The following IMMP2L variants were observed in gnomAD, a reference collection of about 807,000 sequenced individuals.
IMMP2L encodes the protein inner mitochondrial membrane peptidase subunit 2.
A neutral mutation model predicts 19.3 loss-of-function variants in IMMP2L; 18 were observed. The observed-to-expected ratio is 0.93, with a 90% CI of 0.64 to 1.38. The LOEUF (loss-of-function observed/expected upper bound fraction) is 1.38, where lower values mean the gene tolerates loss of function less well. Among genes scored for constraint, IMMP2L ranks in the 40% most tolerant of loss-of-function variants. IMMP2L has a pLI of 0.00. For synonymous variants in IMMP2L, 76 were observed against 73.0 expected (o/e 1.04, Z -0.21); for missense variants, 233 against 218.2 (o/e 1.07, Z -0.43).
chr7:110,688,771 G>A (rs1467624846), intron 5 of IMMP2L, among the ~76,000 whole-genome samples: 2 of 152,036 alleles, frequency 1.3e-5, no homozygotes. Flanking sequence ...TTACAAAACT[G>A]TGAATAGTGA....
intron 3 of IMMP2L, among the ~76,000 whole-genome samples, chr7:111,367,757 C>G (rs1486284749): frequency 6.6e-6 from 1 of 151,792 alleles, no homozygotes; most frequent in African/African-American, 2.4e-5. Flanking sequence ...CATTCTAGAC[C>G]TCATACTTGT....
intron 1 of IMMP2L, among the ~76,000 whole-genome samples, chr7:111,555,544 C>A (rs764500559): frequency 1.3e-5 from 2 of 151,976 alleles, no homozygotes; most frequent in South Asian, 2.1e-4. Context: ...TCACAGCATA[C>A]AGACATGTTG....
intron 1 of IMMP2L, among the ~76,000 whole-genome samples, chr7:111,539,228 A>G (rs1360939019): frequency 7.9e-6 from 1 of 126,276 alleles, no homozygotes; most frequent in African/African-American, 3.3e-5. Flanking sequence ...GAAAGAAAGA[A>G]AGAAAGAAAG....
chr7:111,516,864 A>T (rs896333338), intron 2 of IMMP2L, among the ~76,000 whole-genome samples: 1 of 152,130 alleles, frequency 6.6e-6, no homozygotes, highest in African/African-American at 2.4e-5. Context: ...CGTCAGCCCC[A>T]GCAGACCAAG....
intron 4 of IMMP2L, among the ~76,000 whole-genome samples, chr7:110,896,005 A>G (rs1472929306): frequency 2.6e-5 from 4 of 152,002 alleles, no homozygotes. Context: ...AAAATGTTTT[A>G]GAGATGGTGT....
intron 1 of IMMP2L, among the ~76,000 whole-genome samples, chr7:111,548,755 C>G (rs765833260): frequency 1.4e-4 from 21 of 152,090 alleles, no homozygotes; most frequent in Non-Finnish European, 1.8e-4. Context: ...CAACACCTCC[C>G]TCAGGAATTT....
At chr7:111,231,582 T>C (rs1813722670) in intron 3 of IMMP2L, among the ~76,000 whole-genome samples, 1 of 151,974 alleles carries the variant, frequency 6.6e-6, no homozygotes, top group South Asian at 2.1e-4. Context: ...GTCAACTTAG[T>C]GTGTTTATTT....
intron 5 of IMMP2L, among the ~76,000 whole-genome samples, chr7:110,741,810 C>G (rs1161388695): frequency 6.6e-6 from 1 of 151,976 alleles, no homozygotes; most frequent in Non-Finnish European, 1.5e-5. Context: ...AAAAATTAAA[C>G]ATAAATAAAA....
intron 3 of IMMP2L, among the ~76,000 whole-genome samples, chr7:111,318,006 C>G (rs1357073652): frequency 1.3e-5 from 2 of 151,870 alleles, no homozygotes; most frequent in Non-Finnish European, 2.9e-5. Flanking sequence ...TAATGAGCAC[C>G]AATTATGGTA....
chr7:111,386,926 G>C (rs1240175675), intron 3 of IMMP2L, among the ~76,000 whole-genome samples: 1 of 152,100 alleles, frequency 6.6e-6, no homozygotes, highest in Non-Finnish European at 1.5e-5. Context: ...TTTCACAAAA[G>C]AGGCAAAAGA....
chr7:111,412,116 A>G lies in IMMP2L; in HGVS notation c.239+75122T>C, dbSNP rs570744544. 4.6e-5 allele frequency among the ~76,000 whole-genome samples: 7 copies of G among 151,954 alleles called. 1 individual carries two copies. The highest frequency in any genetic ancestry group is 1.7e-4 in the African/African-American group (7 of 41,260). ...AGCTATAAAATGACAATTAAAAAAT[A>G]ACAATTCTAAATATTTATGCACCTA... On this transcript the variant is annotated intron_variant, in intron 3 of 5. Transcript: ENST00000405709.
At chr7:111,049,860 C>T (rs778831559) in intron 3 of IMMP2L, among the ~76,000 whole-genome samples, 2 of 152,202 alleles carry the variant, frequency 1.3e-5, no homozygotes, top group Non-Finnish European at 2.9e-5. Context: ...GGGAAATTAA[C>T]TGCTGTTCCG....
intron 3 of IMMP2L, among the ~76,000 whole-genome samples, chr7:111,082,535 T>A (rs1397821562): frequency 2.0e-5 from 3 of 152,178 alleles, no homozygotes; most frequent in African/African-American, 7.2e-5. Flanking sequence ...AAATGAGACA[T>A]CTATTCAGAG....
intron 3 of IMMP2L, among the ~76,000 whole-genome samples, chr7:111,193,265 G>A (rs551236102): frequency 3.3e-5 from 5 of 152,252 alleles, no homozygotes; most frequent in African/African-American, 1.2e-4. Flanking sequence ...CTTGCAGGAA[G>A]CAGGGAATAA....
chr7:111,088,817 G>A (rs548974610), intron 3 of IMMP2L, among the ~76,000 whole-genome samples: 12 of 152,078 alleles, frequency 7.9e-5, no homozygotes, highest in East Asian at 3.9e-4. Flanking sequence ...AGGACTGAAC[G>A]CCCTGATAAG....
At chr7:111,148,356 G>A (rs1213408781) in intron 3 of IMMP2L, among the ~76,000 whole-genome samples, 1 of 152,014 alleles carries the variant, frequency 6.6e-6, no homozygotes, top group African/African-American at 2.4e-5. Flanking sequence ...CTAGCCCTAG[G>A]GTAGAGGAAG....
At chr7:111,441,560 T>C (rs1451905604) in intron 3 of IMMP2L, among the ~76,000 whole-genome samples, 1 of 151,544 alleles carries the variant, frequency 6.6e-6, no homozygotes, top group Non-Finnish European at 1.5e-5. Flanking sequence ...ACATCAAAAA[T>C]CACTGATTAT....
At chr7:110,859,038 A>T (rs1462383689) in intron 5 of IMMP2L, among the ~76,000 whole-genome samples, 1 of 152,112 alleles carries the variant, frequency 6.6e-6, no homozygotes, top group Non-Finnish European at 1.5e-5. Flanking sequence ...AGATAACCCC[A>T]AACAGATAAG....
chr7:110,834,884 T>C (rs923324629), intron 5 of IMMP2L, among the ~76,000 whole-genome samples: 4 of 152,096 alleles, frequency 2.6e-5, no homozygotes, highest in Admixed American at 6.6e-5. Flanking sequence ...TTGGTTCTCA[T>C]GAAATAGGTG....
Sources: gnomAD v4.1 joint callset for allele counts (sites outside exome capture counted in the v4.1 genomes callset) on GRCh38, gnomAD v4.1.1 for gene constraint, MANE v1.5 for transcripts, NCBI Gene and HGNC (gene_info 2026-07-23, HGNC 2026-07-21) for gene names.